The following DLGAP2 variants were observed in gnomAD, a reference collection of about 807,000 sequenced individuals.
DLGAP2 encodes disks large-associated protein 2.
In DLGAP2, 26 loss-of-function variants were observed where a neutral mutation model predicts 100.3. The ratio of observed to expected loss-of-function variants is 0.26; its 90% confidence interval spans 0.19 to 0.36. The LOEUF is 0.36. DLGAP2 is among the 10% of genes least tolerant of loss of function. DLGAP2 has a pLI of 1.00. For synonymous variants in DLGAP2, 886 were observed against 630.1 expected, an observed-to-expected ratio of 1.41 and a Z score of -6.08; for missense variants, 1,858 against 1,453.2, an observed-to-expected ratio of 1.28 and a Z score of -4.53.
intron 2 of DLGAP2, chr8:1,137,812 A>T (rs1585095624): frequency 6.6e-6 from 1 of 152,234 alleles, no homozygotes; most frequent in Non-Finnish European, 1.5e-5. Flanking sequence ...TTTTCTTTTA[A>T]GACAGAGTCT....
chr8:1,601,489 G>A (rs2977220), intron 6 of DLGAP2, among the ~76,000 whole-genome samples: 115,108 of 152,146 alleles, frequency 0.76, 43,699 homozygotes, highest in East Asian at 0.92. Context: ...CCCTTCCCCC[G>A]GGTGCTCTGT....
intron 2 of DLGAP2, among the ~76,000 whole-genome samples, chr8:1,112,237 ATTTTTTTTTT>A (rs4044488): frequency 1.0e-5 from 1 of 98,030 alleles, no homozygotes; most frequent in African/African-American, 4.1e-5. Flanking sequence ...TCCTTTGCCC[ATTTTTTTTTT>A]TTTTTTTTTT....
intron 6 of DLGAP2, among the ~76,000 whole-genome samples, chr8:1,622,958 A>C (rs1265101479): frequency 1.3e-5 from 2 of 152,140 alleles, no homozygotes; most frequent in Admixed American, 6.6e-5. Context: ...CGGAGGGTGC[A>C]TCCCCCCATC....
chr8:1,665,665 C>A (rs1275419348), intron 8 of DLGAP2, among the ~76,000 whole-genome samples: 2 of 152,248 alleles, frequency 1.3e-5, no homozygotes, highest in Non-Finnish European at 2.9e-5. Context: ...AGAGAAGCAA[C>A]GCAGAGCCAG....
At chr8:1,423,283 C>T (rs1479245809) in intron 3 of DLGAP2, among the ~76,000 whole-genome samples, 8 of 151,956 alleles carry the variant, frequency 5.3e-5, no homozygotes, top group African/African-American at 1.7e-4. Flanking sequence ...TCCCTGACCC[C>T]AGGCCTGCTC....
intron 3 of DLGAP2, among the ~76,000 whole-genome samples, chr8:1,361,407 A>G (rs558117992): frequency 9.8e-5 from 15 of 152,318 alleles, no homozygotes; most frequent in African/African-American, 3.4e-4. Flanking sequence ...AATAAAAACA[A>G]ACAGAAATCT....
In DLGAP2 at chr8:1,354,679, G is replaced by A. The variant is rs1350995208; in HGVS notation, c.106+95796G>A. On this transcript the variant is annotated intron_variant, in intron 3 of 14. Coordinates refer to ENST00000637795, the MANE Select transcript of DLGAP2 (RefSeq NM_001346810.2). ...GGTGGAAAGTCACGGATGATGCTGCGGATGAAGGTGGAAAGTCACGGATGA... is the reference window on the plus strand; with the variant it reads ...GGTGGAAAGTCACGGATGATGCTGCAGATGAAGGTGGAAAGTCACGGATGA... Among the ~76,000 whole-genome samples the A allele has an allele frequency of 6.1e-3, 320 of 52,742 alleles. 1 individual carries two copies. Among genetic ancestry groups the A allele is most frequent in the Middle Eastern group, 0.024 (3 of 126 alleles). The allele number at this position is 52,742 out of a possible 152,430, so 34.6% of individuals were successfully genotyped here.
chr8:1,258,755 T>C (rs2116904170), intron 2 of DLGAP2, 96 bp from the exon 3 acceptor site: 1 of 1,096,964 alleles, frequency 9.1e-7, no homozygotes, highest in Non-Finnish European at 1.2e-6. Flanking sequence ...GGCGTCATCT[T>C]AAAGTTGTAG....
intron 6 of DLGAP2, among the ~76,000 whole-genome samples, chr8:1,570,118 C>G (rs149467632): frequency 6.6e-6 from 1 of 152,244 alleles, no homozygotes; most frequent in African/African-American, 2.4e-5. Context: ...ACAAAATTCT[C>G]TTGAAAGATT....
At chr8:1,411,594 G>A (rs994105788) in intron 3 of DLGAP2, among the ~76,000 whole-genome samples, 1 of 152,178 alleles carries the variant, frequency 6.6e-6, no homozygotes, top group African/African-American at 2.4e-5. Flanking sequence ...ACCTGCAGGT[G>A]GTAGACTTGA....
chr8:1,210,667 GA>G (rs1563255808), intron 2 of DLGAP2, among the ~76,000 whole-genome samples: 1 of 152,176 alleles, frequency 6.6e-6, no homozygotes, highest in African/African-American at 2.4e-5. Flanking sequence ...GAATATTTTA[GA>G]AGTGAGTCTG....
intron 2 of DLGAP2, among the ~76,000 whole-genome samples, chr8:1,099,834 T>G (rs1804517291): frequency 6.6e-6 from 1 of 152,242 alleles, no homozygotes; most frequent in South Asian, 2.1e-4. Context: ...TGATAATTCC[T>G]TCTGAATATC....
chr8:1,047,467 G>A (rs1366058493), intron 2 of DLGAP2, among the ~76,000 whole-genome samples: 1 of 152,094 alleles, frequency 6.6e-6, no homozygotes, highest in Non-Finnish European at 1.5e-5. Context: ...GCATTATGTT[G>A]GCAAAATAAT....
intron 3 of DLGAP2, among the ~76,000 whole-genome samples, chr8:1,277,559 A>C (rs1799728263): frequency 6.6e-6 from 1 of 152,216 alleles, no homozygotes; most frequent in South Asian, 2.1e-4. Flanking sequence ...TTGGTATCCA[A>C]GTATTAGCCC....
At chr8:1,109,915 A>T (rs1358137422) in intron 2 of DLGAP2, among the ~76,000 whole-genome samples, 4 of 8,210 alleles carry the variant, frequency 4.9e-4, no homozygotes, top group Non-Finnish European at 2.2e-4. Context: ...GTGCCTATGA[A>T]GTGTGCTGGA....
intron 3 of DLGAP2, among the ~76,000 whole-genome samples, chr8:1,439,044 G>T (rs770807946): frequency 6.6e-6 from 1 of 152,236 alleles, no homozygotes; most frequent in African/African-American, 2.4e-5. Context: ...CAAAGCTTCA[G>T]TGTAGAGTCA....
chr8:1,037,343 C>T (rs1365576326), intron 2 of DLGAP2, among the ~76,000 whole-genome samples: 1 of 152,170 alleles, frequency 6.6e-6, no homozygotes, highest in East Asian at 1.9e-4. Flanking sequence ...CTCTTCCCGC[C>T]CCTTCAGTAG....
At chr8:915,593 G>C (rs1260536420) in intron 2 of DLGAP2, among the ~76,000 whole-genome samples, 1 of 151,864 alleles carries the variant, frequency 6.6e-6, no homozygotes, top group Non-Finnish European at 1.5e-5. Flanking sequence ...TGTTGTCAGA[G>C]TCTCGGTGGC....
chr8:820,766 G>A (rs1270105570), intron 1 of DLGAP2, among the ~76,000 whole-genome samples: 2 of 152,182 alleles, frequency 1.3e-5, no homozygotes, highest in Non-Finnish European at 2.9e-5. Context: ...ATTAAAAAAT[G>A]TATGCAGAAT....
Sources: allele counts gnomAD v4.1 joint callset (sites outside exome capture counted in the v4.1 genomes callset), GRCh38; gene constraint gnomAD v4.1.1; transcripts MANE v1.5; gene names NCBI Gene and HGNC (gene_info 2026-07-23, HGNC 2026-07-21).